FBXL20: variants seen among roughly 807,000 people sequenced by gnomAD.
FBXL20 encodes F-box and leucine rich repeat protein 20.
In FBXL20, 11 loss-of-function variants were observed where a neutral mutation model predicts 64.0. The ratio of observed to expected loss-of-function variants is 0.17; its 90% CI spans 0.11 to 0.28. The LOEUF is 0.28. Ranked by LOEUF, FBXL20 falls within the 10% of genes least tolerant of loss-of-function variation. The pLI is 1.00. For synonymous variants in FBXL20, 184 were observed against 189.0 expected, an observed-to-expected ratio of 0.97 and a Z score of 0.22; for missense variants, 303 against 526.2, an observed-to-expected ratio of 0.58 and a Z score of 4.15.
At chr17:39,394,720 G>A (rs1016890678) in intron 1 of FBXL20, among the ~76,000 whole-genome samples, 2 of 151,128 alleles carry the variant, frequency 1.3e-5, no homozygotes, top group African/African-American at 2.4e-5. Flanking sequence ...ACTACTACAC[G>A]TCTAATTTTT....
intron 1 of FBXL20, 98 bp downstream of exon 1, chr17:39,401,263 G>C (rs1446133616): frequency 5.0e-6 from 8 of 1,595,268 alleles, no homozygotes; most frequent in African/African-American, 1.3e-5. Flanking sequence ...GTGGGTGACG[G>C]CGCCTGCCAG....
At chr17:39,381,801 A>G (rs1315591151) in intron 1 of FBXL20, among the ~76,000 whole-genome samples, 1 of 151,542 alleles carries the variant, frequency 6.6e-6, no homozygotes, top group East Asian at 1.9e-4. Context: ...TGAAGGGAAA[A>G]AAAAAAAAAA....
At chr17:39,280,124 A>C (rs563893663) in intron 9 of FBXL20, among the ~76,000 whole-genome samples, 1 of 151,872 alleles carries the variant, frequency 6.6e-6, no homozygotes, top group East Asian at 1.9e-4. Context: ...AATCCCAGCT[A>C]CTTGGGAGGC....
At chr17:39,322,309 G>A (rs73291305) in intron 2 of FBXL20, among the ~76,000 whole-genome samples, 4,859 of 151,958 alleles carry the variant, frequency 0.032, 121 homozygotes, top group African/African-American at 0.069. Flanking sequence ...ATAATTATAT[G>A]GAAGTGAGCT....
intron 1 of FBXL20, among the ~76,000 whole-genome samples, chr17:39,392,680 G>A (rs1025520157): frequency 2.0e-5 from 3 of 152,008 alleles, no homozygotes; most frequent in Non-Finnish European, 1.5e-5. Context: ...GAAGTGCCCA[G>A]AATAGCTATA....
At chr17:39,348,467 G>GA (rs57596962) in intron 1 of FBXL20, among the ~76,000 whole-genome samples, 48,397 of 148,296 alleles carry the variant, frequency 0.33, 9,225 homozygotes, top group African/African-American at 0.54. Context: ...TCAAAAAAAA[G>GA]AAAAAAAAAA....
At chr17:39,315,197 C>T (rs1385287627) in intron 2 of FBXL20, among the ~76,000 whole-genome samples, 1 of 151,926 alleles carries the variant, frequency 6.6e-6, no homozygotes, top group African/African-American at 2.4e-5. Context: ...CCTCCACATC[C>T]TTGACAACAC....
chr17:39,307,471 C>A (rs551464698), intron 2 of FBXL20, among the ~76,000 whole-genome samples: 19 of 152,142 alleles, frequency 1.2e-4, no homozygotes, highest in Non-Finnish European at 2.2e-4. Flanking sequence ...GTTTGAAGAT[C>A]AGAATAGACA....
chr17:39,387,075 G>A (rs7221875), intron 1 of FBXL20, among the ~76,000 whole-genome samples: 60,003 of 152,006 alleles, frequency 0.39, 15,489 homozygotes, highest in African/African-American at 0.74. Context: ...ATGCATCAGT[G>A]GAAACTGCAA....
At chr17:39,394,118 G>C (rs1296645705) in intron 1 of FBXL20, among the ~76,000 whole-genome samples, 1 of 152,250 alleles carries the variant, frequency 6.6e-6, no homozygotes, top group East Asian at 1.9e-4. Context: ...TAGGAAAACA[G>C]TGTAAAGACA....
At chr17:39,286,633 TACTAAAAATACAAAATTA>T (rs1349413094) in intron 6 of FBXL20, among the ~76,000 whole-genome samples, 1 of 152,066 alleles carries the variant, frequency 6.6e-6, no homozygotes, top group Non-Finnish European at 1.5e-5. Context: ...ACCCTGTCTC[TACTAAAAATACAAAATTA>T]GCTGAGCGTG....
rs754354912 is a variant in FBXL20, at chr17:39,259,981, TAAAAAAAAAA to T, written c.*1469_*1478del. ...TCTGGGCAAGAGTGAGAACCCGTCTTAAAAAAAAAAAAAAAAAAAAAAAAAGACTGGGGCA... is the reference window on the plus strand; with the variant it reads ...TCTGGGCAAGAGTGAGAACCCGTCTTAAAAAAAAAAAAAAAGACTGGGGCA... On this transcript the variant is annotated 3_prime_UTR_variant, in exon 15 of 15. Transcript: ENST00000264658. 2 of 78,510 alleles carry T rather than the reference TAAAAAAAAAA, an allele frequency of 2.5e-5. No individual in the cohort carries two copies. The highest frequency in any genetic ancestry group is 7.2e-4 in the East Asian group (2 of 2,778). The allele number at this position is 78,510 out of a possible 1,614,324, so 4.9% of individuals were successfully genotyped here.
upstream of FBXL20, chr17:39,402,242 T>C (rs1766270734): frequency 2.4e-6 from 3 of 1,227,176 alleles, no homozygotes; most frequent in Non-Finnish European, 3.0e-6. Flanking sequence ...TCTGGATGTG[T>C]CTAGATTGGG....
chr17:39,373,385 G>A lies in FBXL20; in HGVS notation c.42+27976C>T, dbSNP rs932668503. Among the ~76,000 whole-genome samples, 15 of 152,242 alleles carry A rather than the reference G, an allele frequency of 9.9e-5. No homozygotes were observed. The East Asian group carries it at 1.7e-3, about 18-fold the overall frequency. On this transcript the variant is annotated intron_variant, in intron 1 of 14. Coordinates refer to ENST00000264658, the MANE Select transcript of FBXL20 (RefSeq NM_032875.3). ...TCTTCAGGGCCAGGCTCTCTCCTGC[G>A]TTGAAAAGCTTGATTTGGTATAGGA... is the stretch of plus-strand genomic sequence containing the variant.
intron 1 of FBXL20, among the ~76,000 whole-genome samples, chr17:39,359,658 G>A (rs1362994670): frequency 6.6e-6 from 1 of 151,762 alleles, no homozygotes; most frequent in African/African-American, 2.4e-5. Context: ...TGGAGAAATT[G>A]GAAACCTTAA....
chr17:39,353,032 G>A (rs2047702653), intron 1 of FBXL20, among the ~76,000 whole-genome samples: 1 of 152,066 alleles, frequency 6.6e-6, no homozygotes, highest in South Asian at 2.1e-4. Flanking sequence ...ATAGGATTAG[G>A]ATGCCTGGAA....
intron 2 of FBXL20, among the ~76,000 whole-genome samples, chr17:39,306,467 A>T (rs1337905867): frequency 1.3e-5 from 2 of 152,120 alleles, no homozygotes; most frequent in African/African-American, 4.8e-5. Context: ...TTATAATTTT[A>T]GTTCTTAGAT....
At chr17:39,354,649 T>C (rs949769402) in intron 1 of FBXL20, among the ~76,000 whole-genome samples, 2 of 152,202 alleles carry the variant, frequency 1.3e-5, no homozygotes. Context: ...CCCTCCCCTC[T>C]TTTTGACTGT....
At chr17:39,299,835 C>T (rs935666780) in intron 4 of FBXL20, among the ~76,000 whole-genome samples, 22 of 151,300 alleles carry the variant, frequency 1.5e-4, no homozygotes, top group African/African-American at 4.6e-4. Context: ...CAGTGGATTC[C>T]GCCTATAATC....
Sources: gnomAD v4.1 joint callset for allele counts (sites outside exome capture counted in the v4.1 genomes callset) on GRCh38, gnomAD v4.1.1 for gene constraint, MANE v1.5 for transcripts, NCBI Gene and HGNC (gene_info 2026-07-23, HGNC 2026-07-21) for gene names.